Variants in VPS13D observed in about 807,000 individuals in gnomAD.
VPS13D encodes intermembrane lipid transfer protein VPS13D.
In VPS13D, 187 loss-of-function variants were observed where a neutral mutation model predicts 461.9. That is an observed-to-expected ratio of 0.40 (90% CI 0.36 to 0.46). The LOEUF is 0.46. Ranked by LOEUF, VPS13D falls within the 20% of genes least tolerant of loss-of-function variation. VPS13D has a pLI of 0.60. For synonymous variants in VPS13D, 1,951 were observed against 1,986.3 expected (o/e 0.98, Z 0.47); for missense variants, 4,711 against 5,364.9 (o/e 0.88, Z 3.81).
At chr1:12,385,216 A>T in intron 58 of VPS13D, 44 bp from the exon 59 acceptor site, 2 of 1,509,908 alleles carry the variant, frequency 1.3e-6, no homozygotes, top group Non-Finnish European at 1.8e-6. Context: ...GGTTTCAATA[A>T]GGAAGAGTGA....
At chr1:12,382,223 T>G (rs1387556725) in intron 57 of VPS13D, among the ~76,000 whole-genome samples, 1 of 151,994 alleles carries the variant, frequency 6.6e-6, no homozygotes, top group Non-Finnish European at 1.5e-5. Flanking sequence ...TGCCTCAGCC[T>G]CCTGAGTAGC....
intron 67 of VPS13D, among the ~76,000 whole-genome samples, chr1:12,493,071 G>GTT (rs199981849): frequency 1.4e-5 from 2 of 139,918 alleles, no homozygotes; most frequent in Admixed American, 7.2e-5. Flanking sequence ...GAGTGATGGA[G>GTT]TTTTTTTTTT....
intron 5 of VPS13D, among the ~76,000 whole-genome samples, chr1:12,248,349 A>G (rs1382766071): frequency 6.6e-6 from 1 of 150,628 alleles, no homozygotes; most frequent in Admixed American, 6.6e-5. Context: ...TATTATTATT[A>G]TTGTTATTAT....
chr1:12,339,642 G>C (rs139030762), intron 40 of VPS13D, among the ~76,000 whole-genome samples: 53 of 152,296 alleles, frequency 3.5e-4, no homozygotes, highest in African/African-American at 1.2e-3. Flanking sequence ...CCAAAGGCAA[G>C]TACATAGTTT....
chr1:12,345,037 T>C, intron 42 of VPS13D: 1 of 197,864 alleles, frequency 5.1e-6, no homozygotes, highest in South Asian at 1.5e-4. Flanking sequence ...AAATCGCTAC[T>C]GCATTTTTAC....
chr1:12,366,604 T>C (rs910059661), intron 52 of VPS13D, among the ~76,000 whole-genome samples: 5 of 152,152 alleles, frequency 3.3e-5, no homozygotes, highest in African/African-American at 1.2e-4. Flanking sequence ...AGGAGGAGGA[T>C]GATTTGTGTA....
At chr1:12,332,115 C>T (rs1643348294) in intron 37 of VPS13D, among the ~76,000 whole-genome samples, 1 of 152,198 alleles carries the variant, frequency 6.6e-6, no homozygotes, top group African/African-American at 2.4e-5. Context: ...CTATACATTA[C>T]TACCACTACT....
In VPS13D at chr1:12,390,415, G is replaced by A. The variant is rs185432931; in HGVS notation, c.11634+4081G>A. Reference sequence around the variant, plus strand: ...TTCAGGATGATGAGGAACATGGTAAGACCAGTGAATTCCATGAGCATGAGT... The same window carrying A: ...TTCAGGATGATGAGGAACATGGTAAAACCAGTGAATTCCATGAGCATGAGT... On this transcript the variant is annotated intron_variant, in intron 60 of 69. Transcript: ENST00000620676. Among the ~76,000 whole-genome samples, 326 of 152,308 alleles carry A rather than the reference G, an allele frequency of 2.1e-3. 1 individual carries two copies. The highest frequency in any genetic ancestry group is 3.5e-3 in the Non-Finnish European group (241 of 68,020).
At chr1:12,306,390 A>G (rs560491843) in intron 26 of VPS13D, among the ~76,000 whole-genome samples, 1 of 152,336 alleles carries the variant, frequency 6.6e-6, no homozygotes, top group Admixed American at 6.5e-5. Context: ...GTCTGTCTGC[A>G]TGCACATCTA....
intron 65 of VPS13D, among the ~76,000 whole-genome samples, chr1:12,433,949 AGTGTGT>A (rs563130284): frequency 6.9e-5 from 10 of 145,010 alleles, no homozygotes; most frequent in African/African-American, 2.5e-4. Flanking sequence ...AGAGAGAGAG[AGTGTGT>A]GTGTGTGTGT....
chr1:12,486,575 C>T (rs1645799895), intron 67 of VPS13D, among the ~76,000 whole-genome samples: 1 of 152,196 alleles, frequency 6.6e-6, no homozygotes, highest in Non-Finnish European at 1.5e-5. Flanking sequence ...CCCCGGAGGC[C>T]ACCAGGCAGC....
At position 12,321,054 on chromosome 1, in the gene VPS13D, C is replaced by G. The variant is rs1643021612; in HGVS notation, c.7549-755C>G. ...CCAAATGATTGGTCTTTTCTTTCCG[C>G]TGTGCTCTTCCTGAGCATGCAAAAT... On this transcript the variant is annotated intron_variant, in intron 32 of 69. Transcript: ENST00000620676. 2.0e-5 allele frequency among the ~76,000 whole-genome samples: 3 copies of G among 152,286 alleles called. No individual in the cohort carries two copies. In the South Asian group the frequency reaches 6.2e-4, roughly 32 times the overall value.
chr1:12,259,319 ATT>A (rs544878359), intron 10 of VPS13D, among the ~76,000 whole-genome samples: 9 of 137,312 alleles, frequency 6.6e-5, no homozygotes, highest in Non-Finnish European at 8.0e-5. Context: ...TACTCTTTTT[ATT>A]TTTTTTTTTT....
chr1:12,313,321 T>TTTTG (rs1642806517), intron 29 of VPS13D, among the ~76,000 whole-genome samples: 1 of 146,604 alleles, frequency 6.8e-6, no homozygotes, highest in African/African-American at 2.6e-5. Context: ...TTTTTTTTTT[T>TTTTG]TTTTAAGACA....
In VPS13D at chr1:12,383,056, A is replaced by G; in HGVS notation, c.11271A>G (p.Pro3757=). 6.2e-7 allele frequency: 1 copy of G among 1,614,212 alleles called. No individual in the cohort carries two copies. The highest frequency in any genetic ancestry group is 8.5e-7 in the Non-Finnish European group (1 of 1,180,038). The change falls in exon 58 of 70, where the codon CCA becomes CCG. Residue 3757 remains proline, a synonymous_variant. Transcript: ENST00000620676. The part of the protein sequence containing the change: ...GPDTSMELLG[P]VPPEQQFINQ... ...ACACTTCCATGGAGCTTTTGGGGCC[A>G]GTTCCACCTGAACAACAATTTATTA...
chr1:12,241,442 G>A (rs571669155), intron 2 of VPS13D, among the ~76,000 whole-genome samples: 3 of 152,330 alleles, frequency 2.0e-5, no homozygotes, highest in East Asian at 3.9e-4. Context: ...AAATTGCCTT[G>A]TGTCTCGCAA....
intron 67 of VPS13D, among the ~76,000 whole-genome samples, chr1:12,480,297 C>G (rs773868723): frequency 6.6e-6 from 1 of 152,196 alleles, no homozygotes; most frequent in Non-Finnish European, 1.5e-5. Context: ...TACAAGAAGC[C>G]TCCGCAGTAG....
At chr1:12,282,044 C>T (rs898783137) in intron 20 of VPS13D, among the ~76,000 whole-genome samples, 10 of 152,032 alleles carry the variant, frequency 6.6e-5, no homozygotes, top group Non-Finnish European at 1.5e-4. Flanking sequence ...TGTGCCACCA[C>T]ACTCTGCTAA....
intron 35 of VPS13D, among the ~76,000 whole-genome samples, chr1:12,325,552 C>T (rs969557586): frequency 6.6e-6 from 1 of 152,166 alleles, no homozygotes; most frequent in Non-Finnish European, 1.5e-5. Context: ...GCCACTGTAC[C>T]CGGCCTCTTT....
Sources: gnomAD v4.1 joint callset for allele counts (sites outside exome capture counted in the v4.1 genomes callset) on GRCh38, gnomAD v4.1.1 for gene constraint, MANE v1.5 for transcripts, NCBI Gene and HGNC (gene_info 2026-07-23, HGNC 2026-07-21) for gene names.